HLCS: variants seen among roughly 807,000 people sequenced by gnomAD.
HLCS encodes the protein holocarboxylase synthetase.
HLCS carries 53 observed loss-of-function variants against 75.0 expected under a neutral mutation model. The ratio of observed to expected loss-of-function variants is 0.71; its 90% confidence interval spans 0.57 to 0.89. HLCS has a LOEUF of 0.89. HLCS is among the 40% of genes least tolerant of loss of function. HLCS has a pLI of 0.00. For synonymous variants in HLCS, 431 were observed against 428.6 expected, an observed-to-expected ratio of 1.01 and a Z score of -0.07; for missense variants, 966 against 1,074.0, an observed-to-expected ratio of 0.90 and a Z score of 1.41.
chr21:36,771,774 A>G (rs60006581), intron 6 of HLCS, among the ~76,000 whole-genome samples: 32,611 of 152,108 alleles, frequency 0.21, 5,992 homozygotes, highest in African/African-American at 0.5. Context: ...CGAGACGGGC[A>G]GATCACTTGA....
chr21:36,773,994 G>A (rs1254205023), intron 6 of HLCS, among the ~76,000 whole-genome samples: 1 of 152,098 alleles, frequency 6.6e-6, no homozygotes, highest in Non-Finnish European at 1.5e-5. Context: ...CAATACGATT[G>A]ATTTTTTTTA....
At chr21:36,989,348 G>T (rs569753171) in intron 1 of HLCS, among the ~76,000 whole-genome samples, 1 of 140,104 alleles carries the variant, frequency 7.1e-6, no homozygotes, top group African/African-American at 2.7e-5. Context: ...TAATGAGACG[G>T]AGTTCGCTCT....
chr21:36,966,407 G>A (rs1368443029), intron 1 of HLCS, 37 bp downstream of exon 1: 2 of 654,974 alleles, frequency 3.1e-6, no homozygotes, highest in African/African-American at 1.9e-5. Context: ...CTTCCGGCTC[G>A]CGGGGCCCGG....
intron 9 of HLCS, 28 bp downstream of exon 9, chr21:36,759,699 T>C (rs554677294): frequency 4.0e-6 from 5 of 1,263,496 alleles, no homozygotes; most frequent in Middle Eastern, 1.8e-4. Flanking sequence ...AATCTAAAAA[T>C]GCTGGGGGAA....
rs768745299 is a variant in HLCS, at chr21:36,937,205, G to A, written c.681C>T (p.Ala227=). 6.2e-6 allele frequency: 10 copies of A among 1,614,020 alleles called. No individual in the cohort carries two copies. Among genetic ancestry groups the A allele is most frequent in the Admixed American group, 1.7e-5 (1 of 59,994 alleles). ...GEEPKQRRGS[A]SGSEPAGDSD... ...TGTCCCCAGCAGGCTCACTCCCAGA[G>A]GCACTGCCTCTCCTTTGTTTGGGTT... The change falls in exon 4 of 11, where the codon GCC becomes GCT. Residue 227 remains alanine, a synonymous_variant. Coordinates refer to ENST00000674895, the MANE Select transcript of HLCS (RefSeq NM_001352514.2).
chr21:36,903,770 G>A (rs1252042560), intron 5 of HLCS, among the ~76,000 whole-genome samples: 1 of 152,136 alleles, frequency 6.6e-6, no homozygotes, highest in Non-Finnish European at 1.5e-5. Flanking sequence ...AGAAGAGGAA[G>A]GACAGATATT....
At chr21:36,835,886 T>C (rs1363284758) in intron 6 of HLCS, among the ~76,000 whole-genome samples, 1 of 152,084 alleles carries the variant, frequency 6.6e-6, no homozygotes, top group Non-Finnish European at 1.5e-5. Flanking sequence ...TTGTGTGTTC[T>C]TAATACCCAC....
intron 6 of HLCS, among the ~76,000 whole-genome samples, chr21:36,869,880 A>T (rs945209531): frequency 1.3e-5 from 2 of 152,164 alleles, no homozygotes; most frequent in African/African-American, 4.8e-5. Flanking sequence ...TCATTTTATG[A>T]ACAATAGGGG....
intron 5 of HLCS, among the ~76,000 whole-genome samples, chr21:36,902,013 T>C (rs753022502): frequency 1.3e-5 from 2 of 151,900 alleles, no homozygotes; most frequent in Non-Finnish European, 2.9e-5. Flanking sequence ...TGACTCCAGT[T>C]TGGAAGGTTG....
intron 6 of HLCS, among the ~76,000 whole-genome samples, chr21:36,892,981 C>T (rs2064855367): frequency 1.3e-5 from 2 of 152,278 alleles, no homozygotes; most frequent in South Asian, 2.1e-4. Flanking sequence ...CATCATGTTG[C>T]CCAGGCTGGT....
In HLCS at chr21:36,749,756, G is replaced by A. The variant is rs765288514; in HGVS notation, c.*4490C>T. The A allele has an allele frequency of 6.6e-6, 1 of 152,122 alleles. No homozygotes were observed. Among genetic ancestry groups the A allele is most frequent in the Admixed American group, 6.5e-5 (1 of 15,276 alleles). The allele number at this position is 152,122 out of a possible 1,614,324, so 9.4% of individuals were successfully genotyped here. ...AAAGGTGTAGGTTTGATTACTAGGA[G>A]ATACCACCGACATTTTTCAATAAAG... On this transcript the variant is annotated 3_prime_UTR_variant, in exon 11 of 11. Transcript: ENST00000674895.
At chr21:36,916,398 T>C (rs556443620) in intron 5 of HLCS, among the ~76,000 whole-genome samples, 1 of 152,156 alleles carries the variant, frequency 6.6e-6, no homozygotes, top group South Asian at 2.1e-4. Context: ...TTGCTCAACA[T>C]GTTCCTCAGG....
At chr21:36,848,394 G>A (rs1968034) in intron 6 of HLCS, among the ~76,000 whole-genome samples, 1 of 151,666 alleles carries the variant, frequency 6.6e-6, no homozygotes, top group Non-Finnish European at 1.5e-5. Context: ...CTCAGCCTCC[G>A]GAGTAGCTGG....
At chr21:36,861,042 C>T (rs1176240354) in intron 6 of HLCS, among the ~76,000 whole-genome samples, 7 of 152,198 alleles carry the variant, frequency 4.6e-5, no homozygotes, top group Non-Finnish European at 8.8e-5. Context: ...AAAATTACTT[C>T]ATTTTATTTC....
chr21:36,815,027 CTTTT>C lies in HLCS; in HGVS notation c.1893-47746_1893-47743del, dbSNP rs1195265718. Among the ~76,000 whole-genome samples the C allele has an allele frequency of 4.3e-3, 560 of 129,132 alleles. 2 individuals are homozygous for C. The highest frequency in any genetic ancestry group is 0.015 in the African/African-American group (509 of 34,968). 84.7% of individuals were successfully genotyped at this position (129,132 alleles called of 152,430 possible). ...GAGGCCAGGGATCAATGAAGCTTTG[CTTTT>C]TTTTTTTTTTTTTTTGATGGAGTCT... On this transcript the variant is annotated intron_variant, in intron 6 of 10. Transcript: ENST00000674895.
chr21:36,872,559 G>C lies in HLCS; in HGVS notation c.1892+24301C>G, dbSNP rs368386989. On this transcript the variant is annotated intron_variant, in intron 6 of 10. Coordinates refer to ENST00000674895, the MANE Select transcript of HLCS (RefSeq NM_001352514.2). The stretch of plus-strand genomic sequence containing the variant: ...ATTCTTCTAATTTTCTCCCACCATA[G>C]ATTAGATGTGTCTGTTCTTCAATTT... 2.4e-4 allele frequency among the ~76,000 whole-genome samples: 37 copies of C among 152,242 alleles called. 2 individuals carry two copies. The highest frequency in any genetic ancestry group is 1.6e-3 in the Admixed American group (24 of 15,292).
At chr21:36,900,171 G>T (rs2146348244) in intron 5 of HLCS, among the ~76,000 whole-genome samples, 1 of 152,042 alleles carries the variant, frequency 6.6e-6, no homozygotes, top group South Asian at 2.1e-4. Context: ...ACAATACACA[G>T]AATGTTAGAG....
chr21:36,775,048 C>T (rs1054080613), intron 6 of HLCS, among the ~76,000 whole-genome samples: 6 of 152,186 alleles, frequency 3.9e-5, no homozygotes, highest in Non-Finnish European at 5.9e-5. Flanking sequence ...GGAGGCAACA[C>T]GGGAATCGGG....
At chr21:36,957,770 A>G (rs1601877007) in intron 2 of HLCS, among the ~76,000 whole-genome samples, 1 of 151,372 alleles carries the variant, frequency 6.6e-6, no homozygotes, top group East Asian at 1.9e-4. Context: ...TCCACTAAAA[A>G]TACAAAAAAT....
Sources: allele counts gnomAD v4.1 joint callset (sites outside exome capture counted in the v4.1 genomes callset), GRCh38; gene constraint gnomAD v4.1.1; transcripts MANE v1.5; gene names NCBI Gene and HGNC (gene_info 2026-07-23, HGNC 2026-07-21).